SEM1: variants seen among roughly 807,000 people sequenced by gnomAD.
The protein encoded by SEM1 is SEM1 26S proteasome subunit.
Under a neutral mutation model 12.7 loss-of-function variants are expected in SEM1, and 3 were observed. The observed-to-expected ratio is 0.24, with a 90% CI of 0.11 to 0.61. The LOEUF (loss-of-function observed/expected upper bound fraction) is 0.61, where lower values mean the gene tolerates loss of function less well. Among genes scored for constraint, SEM1 ranks in the 20% least tolerant of loss-of-function variants. SEM1 has a pLI of 0.88. For missense variants in SEM1, 59 were observed against 81.3 expected (o/e 0.73, Z 1.06); for synonymous variants, 30 against 27.8 (o/e 1.08, Z -0.25).
intron 2 of SEM1, among the ~76,000 whole-genome samples, chr7:96,541,944 CTTTTTTTT>C (rs34050482): frequency 1.1e-4 from 10 of 92,436 alleles, no homozygotes; most frequent in South Asian, 4.0e-4. Context: ...GCCTATGTGT[CTTTTTTTT>C]TTTTTTTTTT....
At chr7:96,668,610 A>T (rs1194381150), downstream of SEM1, among the ~76,000 whole-genome samples, 1 of 152,194 alleles carries the variant, frequency 6.6e-6, no homozygotes, top group African/African-American at 2.4e-5. Flanking sequence ...ATTATTCATC[A>T]ATCAGCTACA....
At chr7:96,613,824 C>T (rs1293702215) in intron 2 of SEM1, among the ~76,000 whole-genome samples, 1 of 152,248 alleles carries the variant, frequency 6.6e-6, no homozygotes, top group Non-Finnish European at 1.5e-5. Context: ...TCGCTTATTT[C>T]ACTTAGCATA....
chr7:96,484,982 T>G (rs1802695209), intron 2 of SEM1: 11 of 475,800 alleles, frequency 2.3e-5, no homozygotes, highest in South Asian at 1.8e-4. Context: ...ACAAAAAGCA[T>G]TTATTAAGTG....
chr7:96,540,317 C>G (rs1489823166), intron 2 of SEM1, among the ~76,000 whole-genome samples: 1 of 151,290 alleles, frequency 6.6e-6, no homozygotes, highest in Non-Finnish European at 1.5e-5. Context: ...ACACAATACA[C>G]AAAAATAAAT....
intron 2 of SEM1, among the ~76,000 whole-genome samples, chr7:96,689,814 A>G (rs1190950478): frequency 6.6e-6 from 1 of 152,206 alleles, no homozygotes; most frequent in African/African-American, 2.4e-5. Context: ...GTGGTGGTAT[A>G]AACCCTGGAT....
At chr7:96,621,481 G>A (rs1347171969), downstream of SEM1, among the ~76,000 whole-genome samples, 4 of 152,172 alleles carry the variant, frequency 2.6e-5, no homozygotes, top group Non-Finnish European at 5.9e-5. Flanking sequence ...GAAGCAAAAT[G>A]AAAGAGCAGC....
chr7:96,495,856 C>T (rs1803221970), intron 1 of SEM1, among the ~76,000 whole-genome samples: 1 of 152,124 alleles, frequency 6.6e-6, no homozygotes, highest in South Asian at 2.1e-4. Flanking sequence ...GCAGAGGTTT[C>T]ATTCTGTATC....
At chr7:96,486,314 C>G in exon 2 of SEM1, 1 of 1,537,118 alleles carries the variant, frequency 6.5e-7, no homozygotes, top group South Asian at 1.2e-5. Context: ...TCCTCTGGCC[C>G]GCTGAGCTGG....
chr7:96,617,735 C>T (rs900286057), downstream of SEM1, among the ~76,000 whole-genome samples: 1 of 152,026 alleles, frequency 6.6e-6, no homozygotes, highest in Non-Finnish European at 1.5e-5. Context: ...TTGTTGAGTA[C>T]TTTTATCATA....
At chr7:96,692,005 AAAC>A (rs1262982418) in intron 2 of SEM1, among the ~76,000 whole-genome samples, 2 of 152,340 alleles carry the variant, frequency 1.3e-5, no homozygotes, top group Middle Eastern at 6.8e-3. Context: ...CTCAGGCAAA[AAAC>A]AACAACAGTG....
chr7:96,501,456 C>T (rs1280677171), intron 3 of SEM1, among the ~76,000 whole-genome samples: 1 of 151,880 alleles, frequency 6.6e-6, no homozygotes, highest in African/African-American at 2.4e-5. Flanking sequence ...ACAAAAAAAC[C>T]CAATCTTTTT....
At chr7:96,646,092 T>C (rs1052621546) in intron 2 of SEM1, among the ~76,000 whole-genome samples, 2 of 152,196 alleles carry the variant, frequency 1.3e-5, no homozygotes, top group Non-Finnish European at 2.9e-5. Flanking sequence ...TCCTAAGATG[T>C]ACTTCTCCAT....
intron 2 of SEM1, among the ~76,000 whole-genome samples, chr7:96,678,956 A>G (rs2115673796): frequency 6.6e-6 from 1 of 152,208 alleles, no homozygotes; most frequent in East Asian, 1.9e-4. Context: ...ATGAACTAGT[A>G]TTATATAGAC....
intron 2 of SEM1, among the ~76,000 whole-genome samples, chr7:96,573,330 G>A (rs899029689): frequency 6.6e-6 from 1 of 152,102 alleles, no homozygotes; most frequent in African/African-American, 2.4e-5. Flanking sequence ...CTGTCATTAT[G>A]ATGCTAGCTG....
At chr7:96,623,458 TATA>T (rs1165673707) in intron 2 of SEM1, among the ~76,000 whole-genome samples, 3 of 147,558 alleles carry the variant, frequency 2.0e-5, no homozygotes, top group South Asian at 2.1e-4. Context: ...TATTAATTTA[TATA>T]ATATTAAATA....
At chr7:96,667,844 A>G (rs1171807632) in intron 2 of SEM1, among the ~76,000 whole-genome samples, 1 of 152,228 alleles carries the variant, frequency 6.6e-6, no homozygotes, top group Non-Finnish European at 1.5e-5. Context: ...ATTTACAGGT[A>G]AATATGACCT....
intron 2 of SEM1, among the ~76,000 whole-genome samples, chr7:96,545,235 T>G (rs1805071238): frequency 6.6e-6 from 1 of 152,020 alleles, no homozygotes; most frequent in East Asian, 1.9e-4. Context: ...TGGGTGCTAT[T>G]CTTTCTTTGA....
upstream of SEM1, among the ~76,000 whole-genome samples, chr7:96,497,056 A>G (rs11760378): frequency 0.13 from 20,300 of 151,954 alleles, 1,398 homozygotes; most frequent in Middle Eastern, 0.26. Context: ...CACTTTCTGC[A>G]AATTCATCTA....
intron 3 of SEM1, among the ~76,000 whole-genome samples, chr7:96,501,417 T>C (rs1803534585): frequency 6.6e-6 from 1 of 151,938 alleles, no homozygotes; most frequent in Non-Finnish European, 1.5e-5. Flanking sequence ...TTAGGGCATC[T>C]TAGTAGTATA....
Sources: allele counts gnomAD v4.1 joint callset (sites outside exome capture counted in the v4.1 genomes callset), GRCh38; gene constraint gnomAD v4.1.1; transcripts MANE v1.5; gene names NCBI Gene and HGNC (gene_info 2026-07-23, HGNC 2026-07-21).